Variants in RAX observed in about 807,000 individuals in gnomAD.
RAX encodes retinal homeobox protein Rx.
RAX carries 11 observed loss-of-function variants against 17.4 expected under a neutral mutation model. The observed-to-expected ratio is 0.63, with a 90% CI of 0.40 to 1.05. The LOEUF is 1.05. Among genes scored for constraint, RAX ranks in the 50% least tolerant of loss-of-function variants. The probability of loss-of-function intolerance (pLI) is 0.00; values close to 1 mark genes in which losing one functional copy is unlikely to be tolerated. For missense variants in RAX, 527 were observed against 501.1 expected (o/e 1.05, Z -0.49); for synonymous variants, 276 against 254.7 (o/e 1.08, Z -0.80).
At chr18:59,269,596 T>TC in intron 2 of RAX, 95 bp from the exon 3 acceptor site, 1 of 1,384,206 alleles carries the variant, frequency 7.2e-7, no homozygotes, top group Non-Finnish European at 9.8e-7. Flanking sequence ...CTCCACTCCG[T>TC]CCCCCTCAAA....
In RAX at chr18:59,272,410, C is replaced by T. The variant is rs372582106; in HGVS notation, c.494G>A (p.Ser165Asn). ...GACCTTGCCGGCCAGCTCCTCGCGG[C>T]TGTACACGTCCGGGTAGTGGGACTT... ...FEKSHYPDVY[S>N]REELAGKVNL... The change falls in exon 2 of 3, where the codon AGC (serine) becomes AAC (asparagine). Residue 165 changes from serine to asparagine, a missense_variant. Physicochemically the swap from Ser to Asn is conservative, Grantham distance 46. Transcript: ENST00000334889. The T allele has an allele frequency of 3.1e-6, 5 of 1,614,262 alleles. No individual in the cohort carries two copies. Among genetic ancestry groups the T allele is most frequent in the South Asian group, 1.1e-5 (1 of 91,084 alleles).
In RAX at chr18:59,269,309, C is replaced by T. The variant is rs758557521; in HGVS notation, c.736G>A (p.Gly246Arg). The change falls in exon 3 of 3, where the codon GGG (glycine) becomes AGG (arginine). Residue 246 changes from glycine to arginine, a missense_variant. Physicochemically the swap from Gly to Arg is moderately radical, Grantham distance 125 (BLOSUM62 -2). Transcript: ENST00000334889. The part of the protein sequence containing the change: ...GGALPLESWL[G>R]PPLPGGGATA... ...GCGCCCCCGCCCGGCAGCGGCGGCC[C>T]GAGCCAGGACTCCAGCGGCAGCGCG... 10 of 1,261,052 alleles carry T rather than the reference C, an allele frequency of 7.9e-6. No individual in the cohort carries two copies. Among genetic ancestry groups the T allele is most frequent in the Non-Finnish European group, 9.9e-6 (10 of 1,008,512 alleles). The allele number at this position is 1,261,052 out of a possible 1,614,324, so 78.1% of individuals were successfully genotyped here. A position where few individuals can be genotyped will look rare whatever the true frequency, so the allele number is the denominator to read the frequency against.
Position 59,272,922 on chromosome 18 carries a change from G to GT in RAX, c.284dup (p.Tyr95Ter). 2 of 1,479,050 alleles carry GT rather than the reference G, an allele frequency of 1.4e-6. No homozygotes were observed. The highest frequency in any genetic ancestry group is 1.8e-6 in the Non-Finnish European group (2 of 1,133,676). The allele number at this position is 1,479,050 out of a possible 1,614,324, so 91.6% of individuals were successfully genotyped here. Reference sequence around the variant, plus strand: ...CAGCCAGGGGTGCGCACTCACCTTCGTACTCGGGGGCGGGCGCCGGGGCTG... The same window carrying GT: ...CAGCCAGGGGTGCGCACTCACCTTCGTTACTCGGGGGCGGGCGCCGGGGCTG... ...PPPAPAPAPE[Y>*]EAPRPYCPKE... The change falls in exon 1 of 3, where the codon TAC becomes TAAC. Residue 95 changes from tyrosine to a stop codon, truncating the protein, a stop_gained and frameshift_variant. Transcript: ENST00000334889. LOFTEE classifies it high-confidence loss of function.
chr18:59,271,522 CCT>C (rs2144153974), intron 2 of RAX, among the ~76,000 whole-genome samples: 1 of 152,298 alleles, frequency 6.6e-6, no homozygotes, highest in Non-Finnish European at 1.5e-5. Context: ...AGCAGCTTGT[CCT>C]CTTTTACTTT....
Position 59,269,364 on chromosome 18 carries a change from G to A in RAX, c.681C>T (p.Gly227=). Reference sequence around the variant, plus strand: ...CAGCCGGCCCGCCACCGCTGCCCGGGCCCGCCCCGAGGGGCGACAGCGTCG... The same window carrying A: ...CAGCCGGCCCGCCACCGCTGCCCGGACCCGCCCCGAGGGGCGACAGCGTCG... ...PSATLSPLGA[G]PGSGGGPAGG... is the part of the protein sequence containing the mutation. The change falls in exon 3 of 3, where the codon GGC becomes GGT. Residue 227 remains glycine, a synonymous_variant. Coordinates refer to ENST00000334889, the MANE Select transcript of RAX (RefSeq NM_013435.3). 1 of 1,472,884 alleles carries A rather than the reference G, an allele frequency of 6.8e-7. No individual in the cohort carries two copies. The highest frequency in any genetic ancestry group is 9.0e-7 in the Non-Finnish European group (1 of 1,115,534). The allele number at this position is 1,472,884 out of a possible 1,614,324, so 91.2% of individuals were successfully genotyped here.
rs1033565185 is a variant in RAX, at chr18:59,268,725, G to T, written c.*279C>A. 3 of 560,974 alleles carry T rather than the reference G, an allele frequency of 5.3e-6. No homozygotes were observed. Among genetic ancestry groups the T allele is most frequent in the Admixed American group, 3.3e-5 (1 of 30,040 alleles). The allele number at this position is 560,974 out of a possible 1,614,324, so 34.7% of individuals were successfully genotyped here. A position where few individuals can be genotyped will look rare whatever the true frequency, so the allele number is the denominator to read the frequency against. On this transcript the variant is annotated 3_prime_UTR_variant, in exon 3 of 3. Coordinates refer to ENST00000334889, the MANE Select transcript of RAX (RefSeq NM_013435.3). The surrounding 1 kb of genome is among the most constrained non-coding windows in gnomAD (Gnocchi z 4.4). ...TCCAGCGCCTGCGGTGATGGGAGCG[G>T]CGTGGCCAGCGGGGCCCGGCAGCCT...
At chr18:59,272,689 CACTGGCCAGCCCGCCTGCG>C in intron 1 of RAX, 75 bp from the exon 2 acceptor site, 1 of 1,504,618 alleles carries the variant, frequency 6.6e-7, no homozygotes, top group Non-Finnish European at 8.8e-7. Context: ...TCGCTGTGGG[CACTGGCCAGCCCGCCTGCG>C]GGCTCCGAGA....
In RAX at chr18:59,273,365, C is replaced by A. The variant is rs1053983221; in HGVS notation, c.-159G>T. On this transcript the variant is annotated 5_prime_UTR_variant, in exon 1 of 3. Coordinates refer to ENST00000334889, the MANE Select transcript of RAX (RefSeq NM_013435.3). Reference sequence around the variant, plus strand: ...GCTGCGCACGCTGGGGGTGGCCGAGCGCTCAGCCCGCTGCCGCCTTAGTCC... The same window carrying A: ...GCTGCGCACGCTGGGGGTGGCCGAGAGCTCAGCCCGCTGCCGCCTTAGTCC... The A allele has an allele frequency of 8.2e-6, 6 of 735,314 alleles. No homozygotes were observed. The highest frequency in any genetic ancestry group is 3.9e-4 in the Middle Eastern group (1 of 2,542). 45.5% of individuals were successfully genotyped at this position (735,314 alleles called of 1,614,324 possible).
At chr18:59,269,595 G>C in intron 2 of RAX, 94 bp from the exon 3 acceptor site, 1 of 1,405,848 alleles carries the variant, frequency 7.1e-7, no homozygotes, top group Non-Finnish European at 9.6e-7. Context: ...GCTCCACTCC[G>C]TCCCCCTCAA....
At position 59,273,385 on chromosome 18, in the gene RAX, T is replaced by G. The variant is rs566924200; in HGVS notation, c.-179A>C. On this transcript the variant is annotated 5_prime_UTR_variant, in exon 1 of 3. Coordinates refer to ENST00000334889, the MANE Select transcript of RAX (RefSeq NM_013435.3). Reference sequence around the variant, plus strand: ...CCGAGCGCTCAGCCCGCTGCCGCCTTAGTCCCAGAAGTCGGAAGTTCGGGC... The same window carrying G: ...CCGAGCGCTCAGCCCGCTGCCGCCTGAGTCCCAGAAGTCGGAAGTTCGGGC... 1 of 664,734 alleles carries G rather than the reference T, an allele frequency of 1.5e-6. No individual in the cohort carries two copies. The highest frequency in any genetic ancestry group is 2.4e-6 in the Non-Finnish European group (1 of 419,296). 41.2% of individuals were successfully genotyped at this position (664,734 alleles called of 1,614,324 possible).
In RAX at chr18:59,273,454, T is replaced by C; in HGVS notation, c.-248A>G. The C allele has an allele frequency of 1.9e-6, 1 of 536,446 alleles. No individual in the cohort carries two copies. Among genetic ancestry groups the C allele is most frequent in the Non-Finnish European group, 3.2e-6 (1 of 308,256 alleles). 33.2% of individuals were successfully genotyped at this position (536,446 alleles called of 1,614,324 possible). On this transcript the variant is annotated 5_prime_UTR_variant, in exon 1 of 3. Transcript: ENST00000334889. ...TCGGCGCTAAAGGCGGGGAGCCAAC[T>C]GGCCCTCGGCTCCTCCCCTCTCGCC...
At position 59,269,214 on chromosome 18, in the gene RAX, C is replaced by T; in HGVS notation, c.831G>A (p.Pro277=). Residue 277 remains proline (P), a synonymous_variant, in exon 3 of 3, where the codon CCG becomes CCA. Coordinates refer to ENST00000334889, the MANE Select transcript of RAX (RefSeq NM_013435.3). ...AGTTCAGGAAGGGCGGAGGCGGCGG[C>T]GGTGGCGTGTAGCTGGCAGGCAGGC... ...AQSLPASYTP[P]PPPPPFLNSP... 6.5e-7 allele frequency: 1 copy of T among 1,528,976 alleles called. No homozygotes were observed. The highest frequency in any genetic ancestry group is 8.7e-7 in the Non-Finnish European group (1 of 1,143,318). 94.7% of individuals were successfully genotyped at this position (1,528,976 alleles called of 1,614,324 possible).
intron 2 of RAX, among the ~76,000 whole-genome samples, chr18:59,269,874 G>C (rs2070323279): frequency 6.6e-6 from 1 of 150,786 alleles, no homozygotes. Flanking sequence ...CCAACTCCTA[G>C]TGCGTAGCAG....
At position 59,272,555 on chromosome 18, in the gene RAX, C is replaced by A. The variant is rs1446560067; in HGVS notation, c.349G>T (p.Val117Phe). 3.1e-6 allele frequency: 5 copies of A among 1,614,000 alleles called. No homozygotes were observed. The highest frequency in any genetic ancestry group is 3.4e-6 in the Non-Finnish European group (4 of 1,180,032). The change falls in exon 2 of 3, where the codon GTC (valine) becomes TTC (phenylalanine). Residue 117 changes from valine (V) to phenylalanine (F), a missense_variant. Physicochemically the swap from Val to Phe is conservative, Grantham distance 50. Transcript: ENST00000334889. ...TTCGCTTCGCCGGTGGCTGGCCCGA[C>A]GGGCAGCCCTGGGCTCGGCCGTGCC... Reference protein sequence around the residue: ...GEARPSPGLPVGPATGEAKLS... With the variant: ...GEARPSPGLPFGPATGEAKLS...
rs773396378 is a variant in RAX at position 59,272,953 on chromosome 18, G to T, written c.254C>A (p.Pro85Gln). ...KAPEEGSEPSPPPAPAPAPEY... is the reference protein window; with the variant it reads ...KAPEEGSEPSQPPAPAPAPEY... ...GGGGGCGGGCGCCGGGGCTGGCGGCGGGGAGGGCTCGGAGCCTTCCTCGGG... is the reference window on the plus strand; with the variant it reads ...GGGGGCGGGCGCCGGGGCTGGCGGCTGGGAGGGCTCGGAGCCTTCCTCGGG... Residue 85 changes from proline to glutamine, a missense_variant, in exon 1 of 3, where the codon CCG becomes CAG. Transcript: ENST00000334889. 1 of 1,470,964 alleles carries T rather than the reference G, an allele frequency of 6.8e-7. No homozygotes were observed. Among genetic ancestry groups the T allele is most frequent in the South Asian group, 1.4e-5 (1 of 72,026 alleles). 91.1% of individuals were successfully genotyped at this position (1,470,964 alleles called of 1,614,324 possible). A position where few individuals can be genotyped will look rare whatever the true frequency, so the allele number is the denominator to read the frequency against.
At position 59,273,152 on chromosome 18, in the gene RAX, C is replaced by T. The variant is rs897692459; in HGVS notation, c.55G>A (p.Gly19Ser). 1 of 1,532,918 alleles carries T rather than the reference C, an allele frequency of 6.5e-7. No individual in the cohort carries two copies. The highest frequency in any genetic ancestry group is 1.4e-5 in the African/African-American group (1 of 72,558). 95.0% of individuals were successfully genotyped at this position (1,532,918 alleles called of 1,614,324 possible). ...CCGCCCGGGCTGCGGAGCAGGTGGC[C>T]GGCAAGCGAGAAGCTCCCGTCGGCC... is the stretch of plus-strand genomic sequence containing the variant. ...AMADGSFSLA[G>S]HLLRSPGGST... Residue 19 changes from glycine to serine, a missense_variant, in exon 1 of 3, where the codon GGC becomes AGC. Coordinates refer to ENST00000334889, the MANE Select transcript of RAX (RefSeq NM_013435.3).
At chr18:59,270,383 G>T (rs1433895391) in intron 2 of RAX, among the ~76,000 whole-genome samples, 1 of 152,168 alleles carries the variant, frequency 6.6e-6, no homozygotes, top group Non-Finnish European at 1.5e-5. Flanking sequence ...CAATGACAAG[G>T]TTTTTTGCTT....
chr18:59,269,510 G>T lies in RAX; in HGVS notation c.544-9C>A, dbSNP rs778485463. On this transcript the variant is annotated splice_polypyrimidine_tract_variant and intron_variant, in intron 2 of 2. Coordinates refer to ENST00000334889, the MANE Select transcript of RAX (RefSeq NM_013435.3). ...CGGTTCTGGAACCACACCTGCAGGA[G>T]AGAGCACAGGGGCCGTCGGGCAGCA... The T allele has an allele frequency of 6.3e-7, 1 of 1,595,662 alleles. No homozygotes were observed. The highest frequency in any genetic ancestry group is 8.5e-7 in the Non-Finnish European group (1 of 1,178,712).
At chr18:59,269,609 A>C in intron 2 of RAX, 108 bp from the exon 3 acceptor site, 1 of 1,271,908 alleles carries the variant, frequency 7.9e-7, no homozygotes, top group Non-Finnish European at 1.1e-6. Flanking sequence ...CCCTCAAATA[A>C]AACTAGGGGC....
Sources: gnomAD v4.1 joint callset for allele counts (sites outside exome capture counted in the v4.1 genomes callset) on GRCh38, gnomAD v4.1.1 for gene constraint, Gnocchi (gnomAD v3.1) non-coding constraint, MANE v1.5 for transcripts, NCBI Gene and HGNC (gene_info 2026-07-23, HGNC 2026-07-21) for gene names.